Variants in PPTC7 observed in about 807,000 individuals in gnomAD.
PPTC7 encodes protein phosphatase targeting COQ7.
Under a neutral mutation model 30.8 loss-of-function variants are expected in PPTC7, and 6 were observed. The observed-to-expected ratio is 0.19, with a 90% CI of 0.11 to 0.38. The LOEUF (loss-of-function observed/expected upper bound fraction) is 0.38, where lower values mean the gene tolerates loss of function less well. PPTC7 is among the 10% of genes least tolerant of loss of function. The pLI is 1.00. For synonymous variants in PPTC7, 163 were observed against 168.1 expected (o/e 0.97, Z 0.23); for missense variants, 218 against 404.8 (o/e 0.54, Z 3.96).
intron 3 of PPTC7, among the ~76,000 whole-genome samples, chr12:110,545,250 G>A (rs1170730851): frequency 1.3e-5 from 2 of 152,014 alleles, no homozygotes; most frequent in Non-Finnish European, 2.9e-5. Flanking sequence ...CCGCCATCAC[G>A]CCCAGCTAAT....
chr12:110,564,761 T>TAC (rs1375788576), intron 1 of PPTC7, among the ~76,000 whole-genome samples: 1 of 148,672 alleles, frequency 6.7e-6, no homozygotes, highest in Non-Finnish European at 1.5e-5. Context: ...TATACACATA[T>TAC]ATATACACGT....
At chr12:110,541,369 A>G (rs2064257874) in intron 3 of PPTC7, among the ~76,000 whole-genome samples, 1 of 151,200 alleles carries the variant, frequency 6.6e-6, no homozygotes, top group South Asian at 2.1e-4. Context: ...CAGCCTGGCA[A>G]CAGAGTGAGA....
chr12:110,560,933 A>G (rs935148788), intron 1 of PPTC7, among the ~76,000 whole-genome samples: 1 of 152,190 alleles, frequency 6.6e-6, no homozygotes, highest in African/African-American at 2.4e-5. Flanking sequence ...TCTCCTGCCT[A>G]CTAGGATGGG....
In PPTC7 at chr12:110,554,104, C is replaced by T. The variant is rs568949488; in HGVS notation, c.224-2136G>A. Among the ~76,000 whole-genome samples the T allele has an allele frequency of 6.0e-4, 91 of 152,346 alleles. No homozygotes were observed. The Middle Eastern group carries it at 0.02, about 34-fold the overall frequency. On this transcript the variant is annotated intron_variant, in intron 1 of 5. Transcript: ENST00000354300. ...CTGACTTCAAGTGATCTGCCCATCT[C>T]GGCCTCCCAAGGTGCTGGGATTATA...
At chr12:110,557,594 T>C (rs2064400940) in intron 1 of PPTC7, among the ~76,000 whole-genome samples, 1 of 152,186 alleles carries the variant, frequency 6.6e-6, no homozygotes, top group Non-Finnish European at 1.5e-5. Flanking sequence ...AACACATATA[T>C]TAGGCATACT....
chr12:110,560,810 T>C (rs775279562), intron 1 of PPTC7, among the ~76,000 whole-genome samples: 5 of 152,228 alleles, frequency 3.3e-5, no homozygotes, highest in Non-Finnish European at 5.9e-5. Context: ...TATCCAAAGG[T>C]AATAGCTTTA....
chr12:110,562,967 C>A (rs2064450834), intron 1 of PPTC7, among the ~76,000 whole-genome samples: 1 of 149,668 alleles, frequency 6.7e-6, no homozygotes, highest in Non-Finnish European at 1.5e-5. Flanking sequence ...ACTAAAAATA[C>A]AAAAATTAGC....
rs961258136 is a variant in PPTC7, at chr12:110,536,630, G to C, written c.*407C>G. ...TGAATAATGTATGTTTCTAGTAGATGTATCATTACGTACAATTTGTGTTAG... is the reference window on the plus strand; with the variant it reads ...TGAATAATGTATGTTTCTAGTAGATCTATCATTACGTACAATTTGTGTTAG... On this transcript the variant is annotated 3_prime_UTR_variant, in exon 6 of 6. Transcript: ENST00000354300. 3 of 165,196 alleles carry C rather than the reference G, an allele frequency of 1.8e-5. No individual in the cohort carries two copies. The highest frequency in any genetic ancestry group is 2.6e-5 in the Non-Finnish European group (2 of 76,996). 10.2% of individuals were successfully genotyped at this position (165,196 alleles called of 1,614,324 possible).
chr12:110,551,858 G>T lies in PPTC7; in HGVS notation c.334C>A (p.Pro112Thr). Residue 112 changes from proline to threonine, a missense_variant, in exon 2 of 6, where the codon CCT (proline) becomes ACT (threonine). Physicochemically the swap from Pro to Thr is conservative, Grantham distance 38. Transcript: ENST00000354300. The part of the protein sequence containing the change: ...ERLVKEGRFV[P>T]SNPIGILTTS... ...GTGAGAATTCCAATGGGATTACTAG[G>T]TACGAACCGTCCTTCTTTTACTAAA... 3 of 1,614,130 alleles carry T rather than the reference G, an allele frequency of 1.9e-6. No homozygotes were observed. The highest frequency in any genetic ancestry group is 2.5e-6 in the Non-Finnish European group (3 of 1,180,014).
chr12:110,543,029 A>C (rs2064275091), intron 3 of PPTC7, among the ~76,000 whole-genome samples: 1 of 152,202 alleles, frequency 6.6e-6, no homozygotes, highest in Non-Finnish European at 1.5e-5. Flanking sequence ...TTAATCTGTA[A>C]TTAAGGAACA....
rs150915453 is a variant in PPTC7 at position 110,548,460 on chromosome 12, C to T, written c.404-2382G>A. Among the ~76,000 whole-genome samples, 661 of 152,288 alleles carry T rather than the reference C, an allele frequency of 4.3e-3. 5 individuals are homozygous for T. Among genetic ancestry groups the T allele is most frequent in the African/African-American group, 0.015 (635 of 41,560 alleles). On this transcript the variant is annotated intron_variant, in intron 2 of 5. Transcript: ENST00000354300. ...TTAAGTGTCAACGAAAAGCAAAGCA[C>T]GGGTACTGTAACTCACTGGTAGTGC... is the stretch of plus-strand genomic sequence containing the variant.
intron 1 of PPTC7, among the ~76,000 whole-genome samples, chr12:110,564,263 A>G (rs2064461926): frequency 6.6e-6 from 1 of 152,258 alleles, no homozygotes; most frequent in South Asian, 2.1e-4. Flanking sequence ...TGAATAGCAG[A>G]GACAGGGCAC....
chr12:110,574,265 T>C (rs529899761), intron 1 of PPTC7, among the ~76,000 whole-genome samples: 3 of 150,866 alleles, frequency 2.0e-5, no homozygotes, highest in African/African-American at 7.3e-5. Flanking sequence ...GTCAGTTTTA[T>C]AGATGAGGAA....
chr12:110,558,953 G>C (rs553805926), intron 1 of PPTC7, among the ~76,000 whole-genome samples: 1 of 152,272 alleles, frequency 6.6e-6, no homozygotes, highest in East Asian at 1.9e-4. Flanking sequence ...AGCAAAACGA[G>C]CAATTAGAAA....
intron 3 of PPTC7, 123 bp from the exon 4 acceptor site, chr12:110,540,068 T>TG: frequency 1.3e-6 from 1 of 784,546 alleles, no homozygotes; most frequent in Non-Finnish European, 1.8e-6. Context: ...TTTATCATAA[T>TG]GGAGTCAATT....
chr12:110,564,431 G>GCC (rs2064463003), intron 1 of PPTC7, among the ~76,000 whole-genome samples: 1 of 152,170 alleles, frequency 6.6e-6, no homozygotes, highest in Non-Finnish European at 1.5e-5. Flanking sequence ...ACTTGTACTG[G>GCC]CCCTTTAGGC....
intron 1 of PPTC7, among the ~76,000 whole-genome samples, chr12:110,572,639 G>A (rs2064547795): frequency 6.6e-6 from 1 of 152,072 alleles, no homozygotes; most frequent in South Asian, 2.1e-4. Context: ...GTAGTCTCTG[G>A]CAAAGTTTTT....
Position 110,536,777 on chromosome 12 carries a change from A to G in PPTC7, c.*260T>C. 2.2e-6 allele frequency: 1 copy of G among 460,530 alleles called. No homozygotes were observed. Among genetic ancestry groups the G allele is most frequent in the Non-Finnish European group, 3.8e-6 (1 of 261,606 alleles). The allele number at this position is 460,530 out of a possible 1,614,324, so 28.5% of individuals were successfully genotyped here. On this transcript the variant is annotated 3_prime_UTR_variant, in exon 6 of 6. Transcript: ENST00000354300. ...GGTGGCACTGAACACCTCCATCCCC[A>G]TCATGGAAAGAACATCGAGAAATGA...
chr12:110,572,491 A>G (rs1489001928), intron 1 of PPTC7, among the ~76,000 whole-genome samples: 1 of 152,194 alleles, frequency 6.6e-6, no homozygotes, highest in Non-Finnish European at 1.5e-5. Context: ...GAGTAGTCCA[A>G]AAAGAAATAA....
Sources: gnomAD v4.1 joint callset for allele counts (sites outside exome capture counted in the v4.1 genomes callset) on GRCh38, gnomAD v4.1.1 for gene constraint, MANE v1.5 for transcripts, NCBI Gene and HGNC (gene_info 2026-07-23, HGNC 2026-07-21) for gene names.